The following SIK3 variants were observed in gnomAD, a reference collection of about 807,000 sequenced individuals.
SIK3 encodes serine/threonine-protein kinase SIK3.
Under a neutral mutation model 144.2 loss-of-function variants are expected in SIK3, and 28 were observed. The observed-to-expected ratio is 0.19, with a 90% CI of 0.14 to 0.27. The LOEUF is 0.27. SIK3 is among the 10% of genes least tolerant of loss of function. The probability of loss-of-function intolerance (pLI) is 1.00; values close to 1 mark genes in which losing one functional copy is unlikely to be tolerated. For synonymous variants in SIK3, 686 were observed against 676.3 expected (o/e 1.01, Z -0.22); for missense variants, 1,319 against 1,776.0 (o/e 0.74, Z 4.62).
In SIK3 at chr11:117,054,439, T is replaced by C. The variant is rs113316097; in HGVS notation, c.273+43704A>G. On this transcript the variant is annotated intron_variant, in intron 1 of 24. Coordinates refer to ENST00000445177, the MANE Select transcript of SIK3 (RefSeq NM_001366686.3). ...GGTGTAGTGGGCCTTGGAGGCTTTA[T>C]ATTTCAGGTAAGAGAGACCCATCAG... 3.7e-4 allele frequency among the ~76,000 whole-genome samples: 57 copies of C among 152,324 alleles called. 1 individual carries two copies. Among genetic ancestry groups the C allele is most frequent in the African/African-American group, 1.3e-3 (53 of 41,576 alleles).
intron 1 of SIK3, among the ~76,000 whole-genome samples, chr11:117,057,004 G>A (rs1390418353): frequency 6.6e-6 from 1 of 152,190 alleles, no homozygotes; most frequent in African/African-American, 2.4e-5. Context: ...CATTTCTTTA[G>A]AGATAATTGT....
chr11:116,945,265 G>A (rs530863795), intron 3 of SIK3, among the ~76,000 whole-genome samples: 11 of 151,956 alleles, frequency 7.2e-5, no homozygotes, highest in Non-Finnish European at 1.2e-4. Flanking sequence ...CATGTGGACA[G>A]TGGCTGTCGT....
At chr11:116,959,717 G>A (rs933174303) in intron 1 of SIK3, among the ~76,000 whole-genome samples, 4 of 152,112 alleles carry the variant, frequency 2.6e-5, no homozygotes, top group Non-Finnish European at 1.5e-5. Flanking sequence ...CAGAGATTGT[G>A]TGGCTCCCAG....
At chr11:116,982,257 C>G (rs1950164939) in intron 1 of SIK3, among the ~76,000 whole-genome samples, 2 of 151,994 alleles carry the variant, frequency 1.3e-5, no homozygotes, top group South Asian at 4.1e-4. Context: ...GAACCACCAC[C>G]ACCTTCAGGG....
At chr11:117,002,503 T>C (rs757645706) in intron 1 of SIK3, among the ~76,000 whole-genome samples, 3 of 152,134 alleles carry the variant, frequency 2.0e-5, no homozygotes, top group Non-Finnish European at 2.9e-5. Flanking sequence ...TCTTAGATCA[T>C]TTTCCCAAAC....
intron 21 of SIK3, among the ~76,000 whole-genome samples, chr11:116,853,907 G>T (rs1942663462): frequency 6.6e-6 from 1 of 152,252 alleles, no homozygotes; most frequent in African/African-American, 2.4e-5. Flanking sequence ...CATGGGGCAT[G>T]TGAAATCCTG....
At chr11:116,943,497 C>T (rs1948423322) in intron 3 of SIK3, among the ~76,000 whole-genome samples, 1 of 152,172 alleles carries the variant, frequency 6.6e-6, no homozygotes, top group South Asian at 2.1e-4. Flanking sequence ...TCTTCAAGGT[C>T]TCCACTAACA....
At chr11:116,864,832 T>A (rs1055502979) in intron 15 of SIK3, 2 of 152,212 alleles carry the variant, frequency 1.3e-5, no homozygotes, top group Non-Finnish European at 2.9e-5. Flanking sequence ...GAACCACAGC[T>A]CAGGAAGCAG....
chr11:116,954,393 G>C (rs571429826), intron 2 of SIK3, among the ~76,000 whole-genome samples: 1 of 151,472 alleles, frequency 6.6e-6, no homozygotes, highest in East Asian at 1.9e-4. Flanking sequence ...ATAAAACTGA[G>C]AGGCAAAGAA....
At chr11:117,023,621 A>AAAAAAAAATATAT (rs754624841) in intron 1 of SIK3, among the ~76,000 whole-genome samples, 8 of 95,404 alleles carry the variant, frequency 8.4e-5, no homozygotes, top group African/African-American at 3.5e-4. Flanking sequence ...AAAAAAAAAA[A>AAAAAAAAATATAT]ATATATATAT....
At chr11:116,916,513 T>A (rs1199749917) in intron 4 of SIK3, among the ~76,000 whole-genome samples, 3 of 82,728 alleles carry the variant, frequency 3.6e-5, no homozygotes, top group African/African-American at 1.1e-4. Flanking sequence ...TCACATCAAA[T>A]TTTTTTTTTT....
At chr11:116,904,790 C>A (rs1945938575) in intron 4 of SIK3, 1 of 155,230 alleles carries the variant, frequency 6.4e-6, no homozygotes, top group African/African-American at 2.4e-5. Flanking sequence ...GTTGCCCAGG[C>A]TGGTCTCGAA....
chr11:116,853,405 T>G (rs1057469809), intron 21 of SIK3, among the ~76,000 whole-genome samples: 2 of 152,210 alleles, frequency 1.3e-5, no homozygotes, highest in Non-Finnish European at 2.9e-5. Context: ...AAGAGCTACA[T>G]GCTCGAATAT....
intron 1 of SIK3, among the ~76,000 whole-genome samples, chr11:116,977,100 T>C (rs540624561): frequency 3.9e-5 from 6 of 152,240 alleles, no homozygotes; most frequent in Admixed American, 3.9e-4. Flanking sequence ...CCCAAAGCCA[T>C]AGAGCCTTGG....
At chr11:116,945,672 C>T (rs1948555041) in intron 3 of SIK3, among the ~76,000 whole-genome samples, 1 of 152,164 alleles carries the variant, frequency 6.6e-6, no homozygotes, top group Admixed American at 6.5e-5. Flanking sequence ...TTCATTTGCA[C>T]ATGTCCTGTA....
At chr11:116,970,871 T>A (rs910945429) in intron 1 of SIK3, among the ~76,000 whole-genome samples, 1 of 152,096 alleles carries the variant, frequency 6.6e-6, no homozygotes, top group Non-Finnish European at 1.5e-5. Context: ...GATCTGGAAC[T>A]CCTGGCCTCA....
intron 1 of SIK3, among the ~76,000 whole-genome samples, chr11:116,996,283 G>A (rs1333917309): frequency 6.6e-6 from 1 of 152,048 alleles, no homozygotes; most frequent in Non-Finnish European, 1.5e-5. Context: ...ACTCCAGCCT[G>A]GGTGACAGAA....
intron 2 of SIK3, among the ~76,000 whole-genome samples, chr11:116,954,590 C>A (rs1949071894): frequency 6.6e-6 from 1 of 151,772 alleles, no homozygotes; most frequent in Non-Finnish European, 1.5e-5. Flanking sequence ...TGACAACTTT[C>A]CTTTCCACTG....
intron 1 of SIK3, among the ~76,000 whole-genome samples, chr11:117,023,893 G>A (rs1244302049): frequency 2.0e-5 from 3 of 151,892 alleles, no homozygotes; most frequent in African/African-American, 7.3e-5. Flanking sequence ...TGGCCAGGCT[G>A]GTCTTGAACT....
Sources: allele counts gnomAD v4.1 joint callset (sites outside exome capture counted in the v4.1 genomes callset), GRCh38; gene constraint gnomAD v4.1.1; transcripts MANE v1.5; gene names NCBI Gene and HGNC (gene_info 2026-07-23, HGNC 2026-07-21).